ANKS1B: variants seen among roughly 807,000 people sequenced by gnomAD.
ANKS1B encodes ankyrin repeat and sterile alpha motif domain containing 1B.
ANKS1B carries 36 observed loss-of-function variants against 148.3 expected under a neutral mutation model. That is an observed-to-expected ratio of 0.24 (90% CI 0.19 to 0.32). The LOEUF is 0.32. Ranked by LOEUF, ANKS1B falls within the 10% of genes least tolerant of loss-of-function variation. The pLI is 1.00. For missense variants in ANKS1B, 1,157 were observed against 1,542.6 expected, an observed-to-expected ratio of 0.75 and a Z score of 4.19; for synonymous variants, 542 against 560.8, an observed-to-expected ratio of 0.97 and a Z score of 0.47.
chr12:99,172,592 G>A (rs2077901623), intron 14 of ANKS1B, among the ~76,000 whole-genome samples: 1 of 152,186 alleles, frequency 6.6e-6, no homozygotes, highest in Non-Finnish European at 1.5e-5. Context: ...CTCAGCTGCA[G>A]AAGTCAGACA....
chr12:98,917,395 G>C (rs79454137), intron 17 of ANKS1B, among the ~76,000 whole-genome samples: 6 of 152,106 alleles, frequency 3.9e-5, no homozygotes, highest in African/African-American at 1.4e-4. Flanking sequence ...GCTCCAGAGA[G>C]CCAGTGTCCC....
At chr12:99,813,815 A>C (rs2068740589) in intron 2 of ANKS1B, among the ~76,000 whole-genome samples, 1 of 151,798 alleles carries the variant, frequency 6.6e-6, no homozygotes, top group East Asian at 1.9e-4. Context: ...GCATTATTTT[A>C]CGAAATCTGA....
chr12:99,127,328 C>A (rs972454704), intron 15 of ANKS1B, among the ~76,000 whole-genome samples: 2 of 152,052 alleles, frequency 1.3e-5, no homozygotes, highest in Non-Finnish European at 2.9e-5. Context: ...CTTCTCTCAT[C>A]TGCCCGATTA....
At chr12:98,967,915 G>A (rs2099879934) in intron 17 of ANKS1B, among the ~76,000 whole-genome samples, 1 of 152,038 alleles carries the variant, frequency 6.6e-6, no homozygotes, top group African/African-American at 2.4e-5. Context: ...TTAGAAGTTA[G>A]GCCTCATCTG....
chr12:99,602,663 T>C (rs921835454), intron 9 of ANKS1B, among the ~76,000 whole-genome samples: 2 of 152,110 alleles, frequency 1.3e-5, no homozygotes, highest in African/African-American at 2.4e-5. Context: ...TGTGGTGATT[T>C]CCCTGAAGTC....
chr12:99,090,548 G>T (rs1306739540), intron 15 of ANKS1B, among the ~76,000 whole-genome samples: 2 of 152,062 alleles, frequency 1.3e-5, no homozygotes, highest in East Asian at 3.8e-4. Flanking sequence ...ATTTAAAATA[G>T]AATCACTGTA....
intron 2 of ANKS1B, among the ~76,000 whole-genome samples, chr12:99,817,170 C>A (rs879746800): frequency 1.3e-5 from 2 of 149,730 alleles, no homozygotes; most frequent in Non-Finnish European, 3.0e-5. Context: ...CTCCCCCCCC[C>A]CTTTCCTTCA....
intron 14 of ANKS1B, among the ~76,000 whole-genome samples, chr12:99,229,631 A>G (rs1435014294): frequency 6.6e-6 from 1 of 151,948 alleles, no homozygotes; most frequent in Non-Finnish European, 1.5e-5. Flanking sequence ...TTAATTCTTC[A>G]TTATATTTTG....
At chr12:98,756,515 C>A (rs1297774317) in intron 25 of ANKS1B, among the ~76,000 whole-genome samples, 1 of 149,064 alleles carries the variant, frequency 6.7e-6, no homozygotes, top group African/African-American at 2.5e-5. Context: ...GAGTTCAAGA[C>A]CAGTCTGGCC....
At chr12:99,111,747 T>C (rs901778705) in intron 15 of ANKS1B, among the ~76,000 whole-genome samples, 1 of 152,166 alleles carries the variant, frequency 6.6e-6, no homozygotes, top group Non-Finnish European at 1.5e-5. Context: ...CTGAGTTTTC[T>C]TGTTCTTTCC....
At chr12:99,569,660 G>T (rs562737960) in intron 9 of ANKS1B, among the ~76,000 whole-genome samples, 22 of 152,276 alleles carry the variant, frequency 1.4e-4, no homozygotes, top group African/African-American at 5.3e-4. Context: ...TTTGTTGTCA[G>T]CCCCTACAGG....
At chr12:99,026,436 G>A (rs1488385802) in intron 17 of ANKS1B, among the ~76,000 whole-genome samples, 4 of 152,034 alleles carry the variant, frequency 2.6e-5, no homozygotes, top group Non-Finnish European at 4.4e-5. Flanking sequence ...AGGGACAGAC[G>A]ACCTTATCTC....
intron 12 of ANKS1B, among the ~76,000 whole-genome samples, chr12:99,352,597 C>T (rs1043544870): frequency 2.1e-4 from 32 of 151,986 alleles, no homozygotes; most frequent in African/African-American, 2.9e-4. Flanking sequence ...TCTTGTAATC[C>T]GTGTTGCATA....
intron 1 of ANKS1B, among the ~76,000 whole-genome samples, chr12:99,928,570 G>A (rs2094534104): frequency 2.6e-5 from 4 of 152,246 alleles, no homozygotes; most frequent in South Asian, 2.1e-4. Flanking sequence ...GAGCCACCGC[G>A]CCTGGCCTCA....
At chr12:98,980,240 C>G (rs907497232) in intron 17 of ANKS1B, among the ~76,000 whole-genome samples, 2 of 152,022 alleles carry the variant, frequency 1.3e-5, no homozygotes, top group Non-Finnish European at 2.9e-5. Context: ...TCGCTCTGTC[C>G]CCCAGGCTGG....
At chr12:99,902,070 G>C (rs1010788818) in intron 1 of ANKS1B, among the ~76,000 whole-genome samples, 1 of 152,310 alleles carries the variant, frequency 6.6e-6, no homozygotes, top group South Asian at 2.1e-4. Context: ...ACCAACAAGA[G>C]AGGTGCAGAT....
chr12:99,895,892 C>T (rs1337672481), intron 1 of ANKS1B, among the ~76,000 whole-genome samples: 1 of 150,876 alleles, frequency 6.6e-6, no homozygotes, highest in Non-Finnish European at 1.5e-5. Context: ...TTATAGAAGC[C>T]CTGCTTTTAC....
At chr12:99,223,638 T>C (rs1196864914) in intron 14 of ANKS1B, among the ~76,000 whole-genome samples, 2 of 152,178 alleles carry the variant, frequency 1.3e-5, no homozygotes, top group African/African-American at 4.8e-5. Flanking sequence ...TGCTGCTCAC[T>C]TCCTGCTATG....
chr12:98,874,454 C>G (rs1211755741), intron 17 of ANKS1B, among the ~76,000 whole-genome samples: 1 of 152,130 alleles, frequency 6.6e-6, no homozygotes, highest in South Asian at 2.1e-4. Context: ...AACTAAGTGA[C>G]TTTAGCTTGA....
Sources: allele counts gnomAD v4.1 joint callset (sites outside exome capture counted in the v4.1 genomes callset), GRCh38; gene constraint gnomAD v4.1.1; transcripts MANE v1.5; gene names NCBI Gene and HGNC (gene_info 2026-07-23, HGNC 2026-07-21).